SLC4A4: variants seen among roughly 807,000 people sequenced by gnomAD.
SLC4A4 encodes the protein electrogenic sodium bicarbonate cotransporter 1.
A neutral mutation model predicts 111.5 loss-of-function variants in SLC4A4; 27 were observed. The ratio of observed to expected loss-of-function variants is 0.24; its 90% CI spans 0.18 to 0.33. The LOEUF (loss-of-function observed/expected upper bound fraction) is 0.33. Among genes scored for constraint, SLC4A4 ranks in the 10% least tolerant of loss-of-function variants. The probability of loss-of-function intolerance (pLI) is 1.00; values close to 1 mark genes in which losing one functional copy is unlikely to be tolerated. For synonymous variants in SLC4A4, 443 were observed against 463.4 expected, an observed-to-expected ratio of 0.96 and a Z score of 0.57; for missense variants, 909 against 1,315.5, an observed-to-expected ratio of 0.69 and a Z score of 4.78.
intron 8 of SLC4A4, among the ~76,000 whole-genome samples, chr4:71,446,513 G>T (rs1009800039): frequency 1.3e-5 from 2 of 152,102 alleles, no homozygotes; most frequent in African/African-American, 4.8e-5. Flanking sequence ...AAGAACAGGA[G>T]GTAAGAATGC....
At chr4:71,221,292 C>T (rs375145987) in intron 1 of SLC4A4, among the ~76,000 whole-genome samples, 168 of 152,280 alleles carry the variant, frequency 1.1e-3, no homozygotes, top group African/African-American at 3.8e-3. Context: ...TTGAGGATCA[C>T]CTTACTGCTT....
chr4:71,280,324 A>G (rs978667798), intron 3 of SLC4A4, among the ~76,000 whole-genome samples: 1 of 152,146 alleles, frequency 6.6e-6, no homozygotes, highest in African/African-American at 2.4e-5. Context: ...TATATGGTTT[A>G]TGAATATTTT....
At chr4:71,424,662 TA>T (rs1722926586) in intron 7 of SLC4A4, among the ~76,000 whole-genome samples, 2 of 152,100 alleles carry the variant, frequency 1.3e-5, no homozygotes, top group African/African-American at 4.8e-5. Context: ...TATGCAGCCA[TA>T]AAAAATGATG....
At chr4:71,556,940 A>G (rs992515211) in intron 21 of SLC4A4, among the ~76,000 whole-genome samples, 1 of 151,978 alleles carries the variant, frequency 6.6e-6, no homozygotes, top group Admixed American at 6.6e-5. Flanking sequence ...AGATCCTGTG[A>G]TAGGTTCTTG....
intron 2 of SLC4A4, among the ~76,000 whole-genome samples, chr4:71,167,853 G>A (rs897448766): frequency 3.9e-5 from 6 of 152,030 alleles, no homozygotes; most frequent in African/African-American, 1.4e-4. Flanking sequence ...GTGTCAACAA[G>A]TTCACTTAGT....
At chr4:71,503,770 G>A (rs1042319450) in intron 16 of SLC4A4, among the ~76,000 whole-genome samples, 3 of 151,960 alleles carry the variant, frequency 2.0e-5, no homozygotes, top group Non-Finnish European at 4.4e-5. Context: ...TACCTCTACT[G>A]GTGAGTTTTA....
chr4:71,497,141 G>A (rs989741038), intron 15 of SLC4A4, among the ~76,000 whole-genome samples: 3 of 152,092 alleles, frequency 2.0e-5, no homozygotes, highest in African/African-American at 7.2e-5. Context: ...AAAGGGAACC[G>A]TTTTAGAGAG....
At chr4:71,386,268 G>A (rs1718707093) in intron 6 of SLC4A4, among the ~76,000 whole-genome samples, 1 of 151,952 alleles carries the variant, frequency 6.6e-6, no homozygotes, top group Non-Finnish European at 1.5e-5. Context: ...TGATTCATCT[G>A]CATACAGGAA....
At chr4:71,536,586 T>G (rs990113693) in intron 18 of SLC4A4, among the ~76,000 whole-genome samples, 10 of 149,736 alleles carry the variant, frequency 6.7e-5, no homozygotes, top group Admixed American at 6.0e-4. Context: ...AACTTCTGCC[T>G]CCGGGGTTCA....
At chr4:71,151,864 C>T (rs1744321850) in intron 2 of SLC4A4, among the ~76,000 whole-genome samples, 2 of 151,818 alleles carry the variant, frequency 1.3e-5, no homozygotes, top group Middle Eastern at 6.9e-3. Flanking sequence ...AGATTGAGAC[C>T]AGCCTGGCCA....
At chr4:71,524,913 C>T (rs1361655456) in intron 16 of SLC4A4, among the ~76,000 whole-genome samples, 1 of 152,120 alleles carries the variant, frequency 6.6e-6, no homozygotes, top group Non-Finnish European at 1.5e-5. Flanking sequence ...TTTATAACAG[C>T]TGTATCCATT....
At chr4:71,287,452 T>C (rs751001452) in intron 3 of SLC4A4, among the ~76,000 whole-genome samples, 2 of 152,230 alleles carry the variant, frequency 1.3e-5, no homozygotes, top group African/African-American at 2.4e-5. Context: ...CTGTGTTTTA[T>C]AGGCTTTTGA....
chr4:71,123,145 G>A lies in SLC4A4; in HGVS notation c.-2+30353G>A, dbSNP rs137957438. Among the ~76,000 whole-genome samples, 62 of 152,238 alleles carry A rather than the reference G, an allele frequency of 4.1e-4. 1 individual carries two copies. Among genetic ancestry groups the A allele is most frequent in the African/African-American group, 1.4e-3 (57 of 41,544 alleles). On this transcript the variant is annotated intron_variant, in intron 2 of 26. Transcript: ENST00000649996. Reference sequence around the variant, plus strand: ...ATATGGAAAATAGGAGAGAAGATACGAGACTTAAAGAAGCAGACAACTAAA... The same window carrying A: ...ATATGGAAAATAGGAGAGAAGATACAAGACTTAAAGAAGCAGACAACTAAA...
chr4:71,110,998 C>A (rs992274009), intron 2 of SLC4A4, among the ~76,000 whole-genome samples: 2 of 152,170 alleles, frequency 1.3e-5, no homozygotes, highest in Non-Finnish European at 2.9e-5. Flanking sequence ...TGGGATACTT[C>A]AGAATATTAG....
intron 1 of SLC4A4, among the ~76,000 whole-genome samples, chr4:71,221,279 T>C (rs1718729765): frequency 6.6e-6 from 1 of 152,232 alleles, no homozygotes; most frequent in Non-Finnish European, 1.5e-5. Flanking sequence ...TGCTTTTAAC[T>C]CTTTGAGGAT....
At chr4:71,557,046 C>T (rs958276634) in intron 21 of SLC4A4, among the ~76,000 whole-genome samples, 1 of 151,852 alleles carries the variant, frequency 6.6e-6, no homozygotes, top group African/African-American at 2.4e-5. Context: ...ATTTCAATAG[C>T]TGTTTATACA....
At chr4:71,441,107 G>T (rs1724672831) in intron 8 of SLC4A4, among the ~76,000 whole-genome samples, 1 of 152,096 alleles carries the variant, frequency 6.6e-6, no homozygotes, top group South Asian at 2.1e-4. Context: ...TTTGTCCAAG[G>T]TCATACAGTT....
intron 8 of SLC4A4, among the ~76,000 whole-genome samples, chr4:71,441,601 A>G (rs1196241981): frequency 1.3e-5 from 2 of 152,250 alleles, no homozygotes; most frequent in Non-Finnish European, 2.9e-5. Flanking sequence ...AGGAAGGGCT[A>G]TGAATCCTCC....
intron 7 of SLC4A4, among the ~76,000 whole-genome samples, chr4:71,407,265 A>G (rs1720945121): frequency 6.6e-6 from 1 of 152,192 alleles, no homozygotes; most frequent in Non-Finnish European, 1.5e-5. Flanking sequence ...TAAGGGTCTT[A>G]TGGTGACTGG....
Sources: allele counts gnomAD v4.1 joint callset (sites outside exome capture counted in the v4.1 genomes callset), GRCh38; gene constraint gnomAD v4.1.1; transcripts MANE v1.5; gene names NCBI Gene and HGNC (gene_info 2026-07-23, HGNC 2026-07-21).